The following NLGN4Y variants were observed in gnomAD, a reference collection of about 807,000 sequenced individuals.
NLGN4Y encodes neuroligin-4, Y-linked.
In NLGN4Y, 4 loss-of-function variants were observed where a neutral mutation model predicts 8.4. The ratio of observed to expected loss-of-function variants is 0.48; its 90% confidence interval spans 0.23 to 1.09. NLGN4Y has a LOEUF of 1.09. NLGN4Y is among the 50% of genes least tolerant of loss of function. The probability of loss-of-function intolerance (pLI) is 0.19; values close to 1 mark genes in which losing one functional copy is unlikely to be tolerated. For missense variants in NLGN4Y, 90 were observed against 192.3 expected, an observed-to-expected ratio of 0.47 and a Z score of 3.15; for synonymous variants, 35 against 75.6, an observed-to-expected ratio of 0.46 and a Z score of 2.78.
chrY:14,711,316 T>C, intron 2 of NLGN4Y, among the ~76,000 whole-genome samples: 5 of 32,884 alleles, frequency 1.5e-4, no homozygotes, highest in African/African-American at 6.0e-4. Flanking sequence ...CATATCATTA[T>C]ATTTTTTTTT....
At chrY:14,762,864 A>G in intron 4 of NLGN4Y, among the ~76,000 whole-genome samples, 1 of 33,953 alleles carries the variant, frequency 2.9e-5, no homozygotes, top group East Asian at 7.8e-4. Context: ...CTTGAAAAAA[A>G]TGAGTTAAGT....
intron 4 of NLGN4Y, among the ~76,000 whole-genome samples, chrY:14,797,075 C>A: frequency 6.1e-5 from 2 of 32,836 alleles, no homozygotes; most frequent in Non-Finnish European, 1.5e-4. Flanking sequence ...GCTTAGTTTG[C>A]CATCTTGTTT....
chrY:14,598,883 GTATATATA>G (rs756147894), intron 1 of NLGN4Y, among the ~76,000 whole-genome samples: 1 of 13,551 alleles, frequency 7.4e-5, no homozygotes, highest in Non-Finnish European at 1.5e-4. Flanking sequence ...AATAGGAGAT[GTATATATA>G]TATATATATA....
At chrY:14,539,582 T>A (rs944583694) in intron 1 of NLGN4Y, among the ~76,000 whole-genome samples, 1 of 25,926 alleles carries the variant, frequency 3.9e-5, no homozygotes, top group Admixed American at 3.6e-4. Context: ...TCCACACCCC[T>A]CCCTCCTCTA....
At chrY:14,591,955 G>A (rs2080373210) in intron 1 of NLGN4Y, among the ~76,000 whole-genome samples, 2 of 33,325 alleles carry the variant, frequency 6.0e-5, no homozygotes, top group African/African-American at 1.2e-4. Flanking sequence ...AGGTCAAGTT[G>A]GTAAAGACCC....
chrY:14,618,947 A>C, intron 1 of NLGN4Y, among the ~76,000 whole-genome samples: 1 of 34,063 alleles, frequency 2.9e-5, no homozygotes, highest in Non-Finnish European at 7.3e-5. Flanking sequence ...CAAAAAATGA[A>C]GGAATAAAAA....
chrY:14,733,329 A>C, intron 4 of NLGN4Y: 1 of 149,005 alleles, frequency 6.7e-6, no homozygotes, highest in Non-Finnish European at 1.2e-5. Context: ...GTATGAAGAC[A>C]AGTTTTATTT....
At chrY:14,815,179 A>AGAGTACTCCTTG (rs2043095713) in intron 4 of NLGN4Y, among the ~76,000 whole-genome samples, 1 of 33,349 alleles carries the variant, frequency 3.0e-5, no homozygotes, top group Non-Finnish European at 7.4e-5. Flanking sequence ...CCATACTCCT[A>AGAGTACTCCTTG]GAGTACTTGC....
intron 6 of NLGN4Y, among the ~76,000 whole-genome samples, chrY:14,837,157 C>A (rs991399082): frequency 3.0e-5 from 1 of 33,568 alleles, no homozygotes; most frequent in Admixed American, 2.7e-4. Context: ...GTAAAGGTGA[C>A]CTTTAGTACC....
chrY:14,797,411 C>A, intron 4 of NLGN4Y, among the ~76,000 whole-genome samples: 1 of 31,255 alleles, frequency 3.2e-5, no homozygotes, highest in Non-Finnish European at 7.7e-5. Flanking sequence ...ATACTCCTGC[C>A]TCAGCCTCCC....
At chrY:14,566,284 G>A in intron 1 of NLGN4Y, among the ~76,000 whole-genome samples, 2 of 32,937 alleles carry the variant, frequency 6.1e-5, no homozygotes, top group Non-Finnish European at 1.5e-4. Context: ...CCCATCTCAC[G>A]TGCAAAGACA....
intron 4 of NLGN4Y, among the ~76,000 whole-genome samples, chrY:14,756,731 G>A (rs2081059322): frequency 3.9e-5 from 1 of 25,607 alleles, no homozygotes; most frequent in Non-Finnish European, 8.8e-5. Context: ...GGTGACAACA[G>A]CAAGACTCTG....
chrY:14,703,005 G>A (rs547179842), intron 2 of NLGN4Y, among the ~76,000 whole-genome samples: 2 of 33,066 alleles, frequency 6.0e-5, no homozygotes, highest in African/African-American at 2.4e-4. Flanking sequence ...TTTTTGATGG[G>A]TTTTTTTGTT....
At chrY:14,776,058 A>G (rs2081124451) in intron 4 of NLGN4Y, among the ~76,000 whole-genome samples, 2 of 32,230 alleles carry the variant, frequency 6.2e-5, no homozygotes, top group Non-Finnish European at 1.5e-4. Context: ...AAAATGAACT[A>G]TTCCTTATTT....
chrY:14,719,447 A>G lies in NLGN4Y; in HGVS notation c.473-12A>G. On this transcript the variant is annotated splice_polypyrimidine_tract_variant and intron_variant, in intron 2 of 6. Transcript: ENST00000684976. ...TTTCATCCCTTTATTTTCCTTTTCA[A>G]TATCACCCCAGGAACCAACATAAAG... 3 of 304,130 alleles carry G rather than the reference A, an allele frequency of 9.9e-6. No individual in the cohort carries two copies. Among genetic ancestry groups the G allele is most frequent in the Non-Finnish European group, 9.2e-6 (2 of 217,180 alleles). The allele number at this position is 304,130 out of a possible 400,897, so 75.9% of individuals were successfully genotyped here.
intron 4 of NLGN4Y, among the ~76,000 whole-genome samples, chrY:14,803,010 A>T: frequency 1.8e-4 from 4 of 22,744 alleles, no homozygotes; most frequent in Non-Finnish European, 3.5e-4. Context: ...ATATACTATA[A>T]GTATATAATT....
chrY:14,640,586 C>T, intron 2 of NLGN4Y, among the ~76,000 whole-genome samples: 2 of 33,784 alleles, frequency 5.9e-5, no homozygotes, highest in Non-Finnish European at 1.5e-4. Context: ...TGATGGTTGA[C>T]CCTCCTAAAC....
chrY:14,542,057 C>T (rs777688623), intron 1 of NLGN4Y, among the ~76,000 whole-genome samples: 283 of 33,457 alleles, frequency 8.5e-3, no homozygotes, highest in Non-Finnish European at 0.018. Context: ...ATTCAGGAGA[C>T]TCATCTCATG....
intron 1 of NLGN4Y, among the ~76,000 whole-genome samples, chrY:14,562,539 T>C: frequency 8.9e-5 from 3 of 33,591 alleles, no homozygotes; most frequent in Admixed American, 2.7e-4. Context: ...TCTGGCCCCT[T>C]TTTTGGTTCC....
Sources: allele counts gnomAD v4.1 joint callset (sites outside exome capture counted in the v4.1 genomes callset), GRCh38; gene constraint gnomAD v4.1.1; transcripts MANE v1.5; gene names NCBI Gene and HGNC (gene_info 2026-07-23, HGNC 2026-07-21).